Variants in MYH10 observed in about 807,000 individuals in gnomAD.
The protein encoded by MYH10 is myosin-10.
MYH10 carries 55 observed loss-of-function variants against 257.8 expected under a neutral mutation model. The ratio of observed to expected loss-of-function variants is 0.21; its 90% CI spans 0.17 to 0.27. The LOEUF is 0.27. Among genes scored for constraint, MYH10 ranks in the 10% least tolerant of loss-of-function variants. The pLI is 1.00. For missense variants in MYH10, 1,631 were observed against 2,500.6 expected (o/e 0.65, Z 7.42); for synonymous variants, 854 against 921.7 (o/e 0.93, Z 1.33).
Position 8,535,834 on chromosome 17 carries a change from C to G in MYH10, c.1703G>C (p.Gly568Ala). 1 of 1,614,072 alleles carries G rather than the reference C, an allele frequency of 6.2e-7. No homozygotes were observed. Among genetic ancestry groups the G allele is most frequent in the Non-Finnish European group, 8.5e-7 (1 of 1,180,018 alleles). Residue 568 changes from glycine to alanine, a missense_variant, in exon 15 of 43, where the codon GGT (glycine) becomes GCT (alanine). By Grantham distance (60) the Gly-to-Ala change is moderately conservative (BLOSUM62 0). Transcript: ENST00000360416. The surrounding 1 kb of genome is among the most constrained non-coding windows in gnomAD (Gnocchi z 4.3). ...TFVEKLVQEQGSHSKFQKPRQ... is the reference protein window; with the variant it reads ...TFVEKLVQEQASHSKFQKPRQ... ...AGGTTTCTGAAACTTGGAGTGGGAA[C>G]CTTGCTCTTGAACCAGTTTTTCAAC...
intron 29 of MYH10, among the ~76,000 whole-genome samples, chr17:8,499,959 G>A (rs1917257994): frequency 6.6e-6 from 1 of 152,180 alleles, no homozygotes; most frequent in African/African-American, 2.4e-5. Context: ...GCTTCAAGCT[G>A]CCTTTCCACG....
intron 26 of MYH10, 70 bp downstream of exon 26, chr17:8,508,484 G>A: frequency 1.3e-6 from 2 of 1,589,828 alleles, no homozygotes; most frequent in Non-Finnish European, 1.7e-6. Flanking sequence ...ATTTTTGCAT[G>A]TTCTGATTAC....
At chr17:8,508,737 T>C in intron 25 of MYH10, 60 bp from the exon 26 acceptor site, 2 of 1,598,450 alleles carry the variant, frequency 1.3e-6, no homozygotes, top group Non-Finnish European at 1.7e-6. Context: ...TTGGGTTCTG[T>C]ATTCCTCATA....
intron 21 of MYH10, among the ~76,000 whole-genome samples, chr17:8,518,148 T>TGTG (rs1597719659): frequency 3.3e-5 from 4 of 119,946 alleles, no homozygotes; most frequent in Non-Finnish European, 3.6e-5. Flanking sequence ...TGTGTGTGTG[T>TGTG]TTGAGATAGG....
intron 21 of MYH10, among the ~76,000 whole-genome samples, chr17:8,517,041 T>C (rs2081492081): frequency 6.6e-6 from 1 of 151,912 alleles, no homozygotes; most frequent in South Asian, 2.1e-4. Context: ...CTCGGGAGGC[T>C]GAGGGAGGAG....
chr17:8,508,490 A>G (rs916678848), intron 26 of MYH10, 64 bp downstream of exon 26: 1 of 1,600,804 alleles, frequency 6.2e-7, no homozygotes, highest in Non-Finnish European at 8.5e-7. Flanking sequence ...GCATGTTCTG[A>G]TTACAGTAAA....
rs543028674 is a variant in MYH10, at chr17:8,577,744, C to A, written c.531-406G>T. 3.9e-5 allele frequency among the ~76,000 whole-genome samples: 6 copies of A among 152,270 alleles called. No individual in the cohort carries two copies. The East Asian group carries it at 9.7e-4, about 25-fold the overall frequency. On this transcript the variant is annotated intron_variant, in intron 4 of 42. Coordinates refer to ENST00000360416, the MANE Select transcript of MYH10 (RefSeq NM_001256012.3). ...ATGGGGTTTCACCATGTTGGCCAGG[C>A]TGGTCTCGAACTCCTGGCCTCAAGT...
intron 7 of MYH10, among the ~76,000 whole-genome samples, chr17:8,556,152 A>G (rs1359351547): frequency 6.6e-6 from 1 of 152,234 alleles, no homozygotes. Context: ...ATACAGAATA[A>G]CTAGAACTAT....
intron 7 of MYH10, among the ~76,000 whole-genome samples, chr17:8,566,377 T>C (rs988151822): frequency 6.6e-6 from 1 of 152,164 alleles, no homozygotes; most frequent in African/African-American, 2.4e-5. Flanking sequence ...AGAAGGCATG[T>C]GATTTCCAAG....
In MYH10 at chr17:8,477,294, T is replaced by A. The variant is rs1912839491; in HGVS notation, c.5707-246A>T. ...GAAAAAGTACTCAAGACTCTGTTTT[T>A]ACCAGTGAGTTTTCTGCAGAAAAAT... On this transcript the variant is annotated intron_variant, in intron 41 of 42. Transcript: ENST00000360416. The surrounding 1 kb of genome is among the most constrained non-coding windows in gnomAD (Gnocchi z 4.2). Among the ~76,000 whole-genome samples the A allele has an allele frequency of 6.6e-6, 1 of 152,146 alleles. No homozygotes were observed.
intron 17 of MYH10, among the ~76,000 whole-genome samples, chr17:8,529,860 C>T (rs2081962106): frequency 6.6e-6 from 1 of 152,074 alleles, no homozygotes; most frequent in African/African-American, 2.4e-5. Flanking sequence ...GCTGGGTGGG[C>T]TTCATTTTAT....
chr17:8,606,062 A>C (rs1157499221), intron 2 of MYH10, among the ~76,000 whole-genome samples: 1 of 152,206 alleles, frequency 6.6e-6, no homozygotes, highest in African/African-American at 2.4e-5. Flanking sequence ...ATAAAGATTT[A>C]AAATGTATTT....
chr17:8,511,217 A>T (rs1455734972), intron 24 of MYH10: 1 of 152,020 alleles, frequency 6.6e-6, no homozygotes, highest in Non-Finnish European at 1.5e-5. Flanking sequence ...TTAAAAAAAA[A>T]GTTAAACAAA....
At chr17:8,513,390 A>G in intron 23 of MYH10, 148 bp downstream of exon 23, 1 of 1,270,414 alleles carries the variant, frequency 7.9e-7, no homozygotes, top group Non-Finnish European at 1.1e-6. Context: ...AAATATATAC[A>G]ATTTGGAAAT....
chr17:8,540,120 G>A (rs2082252582), intron 14 of MYH10, among the ~76,000 whole-genome samples: 1 of 152,126 alleles, frequency 6.6e-6, no homozygotes, highest in African/African-American at 2.4e-5. Flanking sequence ...CTCCTGAGTA[G>A]CCGAGACTAC....
At chr17:8,478,521 CCTTTT>C in intron 40 of MYH10, 75 bp from the exon 41 acceptor site, 3 of 1,419,270 alleles carry the variant, frequency 2.1e-6, no homozygotes, top group Non-Finnish European at 3.0e-6. Context: ...TTTTAAAGCC[CCTTTT>C]CTTTGGGAAG....
At chr17:8,480,032 C>T in intron 40 of MYH10, 78 bp downstream of exon 40, 1 of 1,473,090 alleles carries the variant, frequency 6.8e-7, no homozygotes, top group Admixed American at 1.8e-5. Context: ...GGGAGCCCCC[C>T]CGAAAGGGGC....
chr17:8,601,780 C>T (rs2084609792), intron 3 of MYH10, among the ~76,000 whole-genome samples: 1 of 152,186 alleles, frequency 6.6e-6, no homozygotes, highest in African/African-American at 2.4e-5. Context: ...AGGCACACAA[C>T]TGCATTTTGA....
At position 8,504,956 on chromosome 17, in the gene MYH10, G is replaced by A. The variant is rs757020224; in HGVS notation, c.3387-50C>T. The A allele has an allele frequency of 7.8e-6, 12 of 1,531,604 alleles. No individual in the cohort carries two copies. The African/African-American group carries it at 1.2e-4, about 16-fold the overall frequency. 94.9% of individuals were successfully genotyped at this position (1,531,604 alleles called of 1,614,324 possible). ...GGCACTCAGAGATGGCACCCGGATGGCCTGTTTCTCAGGCGAGCCCCAGCC... is the reference window on the plus strand; with the variant it reads ...GGCACTCAGAGATGGCACCCGGATGACCTGTTTCTCAGGCGAGCCCCAGCC... On this transcript the variant is annotated intron_variant, in intron 27 of 42. Coordinates refer to ENST00000360416, the MANE Select transcript of MYH10 (RefSeq NM_001256012.3). The surrounding 1 kb of genome is among the most constrained non-coding windows in gnomAD (Gnocchi z 5.6).
Sources: gnomAD v4.1 joint callset for allele counts (sites outside exome capture counted in the v4.1 genomes callset) on GRCh38, gnomAD v4.1.1 for gene constraint, Gnocchi (gnomAD v3.1) non-coding constraint, MANE v1.5 for transcripts, NCBI Gene and HGNC (gene_info 2026-07-23, HGNC 2026-07-21) for gene names.